Variants in TRERF1 observed in about 807,000 individuals in gnomAD.
TRERF1 encodes transcriptional-regulating factor 1.
A neutral mutation model predicts 122.9 loss-of-function variants in TRERF1; 27 were observed. That is an observed-to-expected ratio of 0.22 (90% confidence interval 0.16 to 0.30). The LOEUF (loss-of-function observed/expected upper bound fraction) is 0.30, where lower values mean the gene tolerates loss of function less well. Among genes scored for constraint, TRERF1 ranks in the 10% least tolerant of loss-of-function variants. TRERF1 has a pLI of 1.00. For missense variants in TRERF1, 1,248 were observed against 1,560.3 expected, an observed-to-expected ratio of 0.80 and a Z score of 3.37; for synonymous variants, 636 against 641.7, an observed-to-expected ratio of 0.99 and a Z score of 0.13.
intron 2 of TRERF1, among the ~76,000 whole-genome samples, chr6:42,436,820 T>TAC (rs1191502936): frequency 8.0e-6 from 1 of 125,368 alleles, no homozygotes; most frequent in Non-Finnish European, 1.6e-5. Context: ...AAAAAATATA[T>TAC]ATATATATAT....
chr6:42,268,298 T>A lies in TRERF1; in HGVS notation c.1293A>T (p.Thr431=). Residue 431 remains threonine, a synonymous_variant, in exon 5 of 18, where the codon ACA becomes ACT. Coordinates refer to ENST00000372922, the Ensembl canonical transcript of TRERF1. This position sits in a 1 kb window ranked among gnomAD's most constrained non-coding sequence, Gnocchi z 4.4. ...CTGAGCTCGCTGGGTCTCCCATTCC[T>A]GTGTCAGGAGGCCCCAGGTCCCCAT... 1 of 1,513,820 alleles carries A rather than the reference T, an allele frequency of 6.6e-7. No homozygotes were observed. The highest frequency in any genetic ancestry group is 8.8e-7 in the Non-Finnish European group (1 of 1,132,340). 93.8% of individuals were successfully genotyped at this position (1,513,820 alleles called of 1,614,324 possible).
intron 3 of TRERF1, among the ~76,000 whole-genome samples, chr6:42,358,105 C>G (rs1770946390): frequency 6.6e-6 from 1 of 152,246 alleles, no homozygotes; most frequent in South Asian, 2.1e-4. Context: ...GGTTGGCACA[C>G]ACACCCTTTC....
chr6:42,311,673 G>A (rs750596304), intron 3 of TRERF1, among the ~76,000 whole-genome samples: 1 of 151,114 alleles, frequency 6.6e-6, no homozygotes, highest in Middle Eastern at 3.2e-3. Context: ...GGCTGAGACA[G>A]GAGAATGGCG....
chr6:42,317,422 A>G (rs1004760751), intron 3 of TRERF1, among the ~76,000 whole-genome samples: 33 of 151,876 alleles, frequency 2.2e-4, no homozygotes, highest in Admixed American at 1.8e-3. Flanking sequence ...TGGCATGATC[A>G]TGGCTTGCTG....
intron 4 of TRERF1, among the ~76,000 whole-genome samples, chr6:42,299,116 CTCTATCTA>C (rs1554152190): frequency 7.1e-6 from 1 of 141,680 alleles, no homozygotes; most frequent in Non-Finnish European, 1.6e-5. Flanking sequence ...GTCTGTCTGT[CTCTATCTA>C]TCTATCTATC....
chr6:42,442,322 A>G (rs1368959519), intron 2 of TRERF1, among the ~76,000 whole-genome samples: 2 of 151,982 alleles, frequency 1.3e-5, no homozygotes, highest in Admixed American at 6.5e-5. Flanking sequence ...CCCAAAGACC[A>G]AGGGAGGCCC....
At chr6:42,337,800 G>A (rs1208566072) in intron 3 of TRERF1, among the ~76,000 whole-genome samples, 5 of 152,172 alleles carry the variant, frequency 3.3e-5, no homozygotes, top group Non-Finnish European at 7.3e-5. Context: ...AAAACCTCCC[G>A]ATGAGCTTTC....
In TRERF1 at chr6:42,292,593, G is replaced by C. The variant is rs75885721; in HGVS notation, c.-259+8045C>G. Among the ~76,000 whole-genome samples, 32 of 152,336 alleles carry C rather than the reference G, an allele frequency of 2.1e-4. No homozygotes were observed. In the East Asian group the frequency reaches 4.2e-3, roughly 20 times the overall value. On this transcript the variant is annotated intron_variant, in intron 4 of 17. Transcript: ENST00000372922. ...GAGGCCTACAAGTCTACACTGGTCA[G>C]TGCAATTCAAGGGGTGCAAAAGAGG...
At chr6:42,440,075 G>A (rs1786215868) in intron 2 of TRERF1, among the ~76,000 whole-genome samples, 9 of 152,156 alleles carry the variant, frequency 5.9e-5, no homozygotes, top group Admixed American at 5.9e-4. Flanking sequence ...GGCAGGGATG[G>A]GGGCAGGGCA....
intron 3 of TRERF1, among the ~76,000 whole-genome samples, chr6:42,338,684 C>T (rs260271): frequency 4.6e-5 from 7 of 152,014 alleles, no homozygotes; most frequent in African/African-American, 9.7e-5. Context: ...GGATTTATGA[C>T]GGCTCTCCCT....
chr6:42,440,633 A>G (rs1202703075), intron 2 of TRERF1, among the ~76,000 whole-genome samples: 2 of 152,194 alleles, frequency 1.3e-5, no homozygotes, highest in African/African-American at 4.8e-5. Flanking sequence ...GGGAGGTAAA[A>G]GATATCCAAT....
chr6:42,412,064 G>C (rs371784556), intron 2 of TRERF1, among the ~76,000 whole-genome samples: 1 of 146,462 alleles, frequency 6.8e-6, no homozygotes, highest in Non-Finnish European at 1.5e-5. Flanking sequence ...GCAATGGTGC[G>C]ATCTCGGCTC....
chr6:42,263,275 G>GGCA lies in TRERF1; in HGVS notation c.1884+42_1884+44dup. ...AGCAACTCACAGCAGGCGTGCGGGG[G>GGCA]GCAGCCCCTTGGGGTGAGTGTGGGG... On this transcript the variant is annotated intron_variant, in intron 8 of 17. Transcript: ENST00000372922. This position sits in a 1 kb window ranked among gnomAD's most constrained non-coding sequence, Gnocchi z 5.6. The GGCA allele has an allele frequency of 6.4e-7, 1 of 1,565,234 alleles. No homozygotes were observed. Among genetic ancestry groups the GGCA allele is most frequent in the Non-Finnish European group, 8.7e-7 (1 of 1,150,838 alleles).
chr6:42,224,959 A>C (rs987013960), downstream of TRERF1: 4 of 152,224 alleles, frequency 2.6e-5, no homozygotes, highest in African/African-American at 9.6e-5. Context: ...TTTTATTTTC[A>C]GAGCAGCTGA....
chr6:42,264,580 T>G lies in TRERF1; in HGVS notation c.1635+124A>C, dbSNP rs1300523725. 2.1e-6 allele frequency: 3 copies of G among 1,442,516 alleles called. No individual in the cohort carries two copies. The African/African-American group carries it at 4.3e-5, about 21-fold the overall frequency. 89.4% of individuals were successfully genotyped at this position (1,442,516 alleles called of 1,614,324 possible). ...CCCAGCGCCAAAGCCTAAGCATTCC[T>G]GTCAAGGGAGGACTGTGCCTCGCCA... On this transcript the variant is annotated intron_variant, in intron 7 of 17. Transcript: ENST00000372922.
intron 2 of TRERF1, among the ~76,000 whole-genome samples, chr6:42,415,359 T>C (rs2151493541): frequency 6.6e-6 from 1 of 152,330 alleles, no homozygotes; most frequent in South Asian, 2.1e-4. Flanking sequence ...TTGTTTACAG[T>C]GTTACTCTTA....
intron 4 of TRERF1, among the ~76,000 whole-genome samples, chr6:42,287,438 C>T (rs1783464234): frequency 6.6e-6 from 1 of 152,084 alleles, no homozygotes; most frequent in Admixed American, 6.5e-5. Flanking sequence ...ACCCTCTGCT[C>T]CTAAAGGAGG....
At chr6:42,226,989 G>C (rs1769639669) in exon 18 of TRERF1, 1 of 152,248 alleles carries the variant, frequency 6.6e-6, no homozygotes, top group Non-Finnish European at 1.5e-5. Flanking sequence ...CTAACGGTGG[G>C]ATGGGTCAGT....
At chr6:42,287,536 C>T (rs73428834) in intron 4 of TRERF1, among the ~76,000 whole-genome samples, 14,449 of 152,112 alleles carry the variant, frequency 0.095, 741 homozygotes, top group African/African-American at 0.12. Context: ...TGGGGGCTAC[C>T]GGCCTTTGCT....
Sources: allele counts gnomAD v4.1 joint callset (sites outside exome capture counted in the v4.1 genomes callset), GRCh38; gene constraint gnomAD v4.1.1; non-coding constraint Gnocchi (gnomAD v3.1); transcripts MANE v1.5; gene names NCBI Gene and HGNC (gene_info 2026-07-23, HGNC 2026-07-21).